The following BCR variants were observed in gnomAD, a reference collection of about 807,000 sequenced individuals.
BCR encodes BCR activator of RhoGEF and GTPase.
In BCR, 58 loss-of-function variants were observed where a neutral mutation model predicts 138.6. The ratio of observed to expected loss-of-function variants is 0.42; its 90% confidence interval spans 0.34 to 0.52. The LOEUF is 0.52. Among genes scored for constraint, BCR ranks in the 20% least tolerant of loss-of-function variants. The probability of loss-of-function intolerance (pLI) is 0.06; values close to 1 mark genes in which losing one functional copy is unlikely to be tolerated. For synonymous variants in BCR, 786 were observed against 730.1 expected (o/e 1.08, Z -1.23); for missense variants, 1,599 against 1,727.2 (o/e 0.93, Z 1.32).
chr22:23,255,754 G>A (rs1422468058), intron 2 of BCR, among the ~76,000 whole-genome samples: 1 of 152,146 alleles, frequency 6.6e-6, no homozygotes, highest in Non-Finnish European at 1.5e-5. Flanking sequence ...CCTCTGTGAA[G>A]CCACTCCAGA....
intron 1 of BCR, among the ~76,000 whole-genome samples, chr22:23,217,938 C>G (rs1396917795): frequency 6.6e-6 from 1 of 152,128 alleles, no homozygotes; most frequent in East Asian, 1.9e-4. Context: ...AGCCGTGGCC[C>G]AGGCTCCTAC....
intron 16 of BCR, among the ~76,000 whole-genome samples, chr22:23,299,467 G>A (rs574882074): frequency 2.0e-4 from 31 of 152,100 alleles, no homozygotes; most frequent in African/African-American, 6.8e-4. Flanking sequence ...GAGGATTCTC[G>A]ATGCCTTCGT....
At chr22:23,314,257 C>T (rs2074041685) in intron 21 of BCR, among the ~76,000 whole-genome samples, 184 bp downstream of exon 21, 1 of 152,168 alleles carries the variant, frequency 6.6e-6, no homozygotes, top group Admixed American at 6.5e-5. Context: ...TTGCCACCCT[C>T]CTCTCTCTGC....
chr22:23,215,604 TAC>T (rs1223623662), intron 1 of BCR, among the ~76,000 whole-genome samples: 3 of 152,240 alleles, frequency 2.0e-5, no homozygotes, highest in African/African-American at 7.2e-5. Flanking sequence ...TGGGAAGTGT[TAC>T]AGTGTAATTC....
intron 1 of BCR, among the ~76,000 whole-genome samples, chr22:23,213,535 G>A (rs1208790272): frequency 3.9e-5 from 6 of 152,198 alleles, no homozygotes; most frequent in African/African-American, 1.2e-4. Flanking sequence ...TAAGAAGGAG[G>A]CAGCAGGCTG....
intron 1 of BCR, 137 bp from the exon 2 acceptor site, chr22:23,253,662 G>A (rs1268558977): frequency 5.3e-6 from 5 of 941,722 alleles, no homozygotes; most frequent in Non-Finnish European, 4.8e-6. Flanking sequence ...TTGTGAAGGG[G>A]ACGTCAGCAT....
At position 23,181,831 on chromosome 22, in the gene BCR, G is replaced by C; in HGVS notation, c.871G>C (p.Glu291Gln). 2 of 1,611,668 alleles carry C rather than the reference G, an allele frequency of 1.2e-6. No homozygotes were observed. Among genetic ancestry groups the C allele is most frequent in the Non-Finnish European group, 1.7e-6 (2 of 1,179,848 alleles). ...CTACGTCGGGGGCATGATGGAAGGG[G>C]AGGGCAAGGGCCCGCTCCTGCGCAG... ...SIYVGGMMEG[E>Q]GKGPLLRSQS... Residue 291 changes from glutamate (E) to glutamine (Q), a missense_variant, in exon 1 of 23, where the codon GAG becomes CAG. Coordinates refer to ENST00000305877, the MANE Select transcript of BCR (RefSeq NM_004327.4).
In BCR at chr22:23,253,839, A is replaced by G; in HGVS notation, c.1320A>G (p.Ala440=). The change falls in exon 2 of 23, where the codon GCA becomes GCG. Residue 440 remains alanine (A), a synonymous_variant. Transcript: ENST00000305877. ...CACCACCTGGATACGGCTGCGCTGC[A>G]GACCGGGCAGAGGAGCAGCGCCGGC... ...FGTPPGYGCA[A]DRAEEQRRHQ... is the part of the protein sequence containing the mutation. The G allele has an allele frequency of 6.2e-7, 1 of 1,613,068 alleles. No homozygotes were observed. The highest frequency in any genetic ancestry group is 1.7e-4 in the Middle Eastern group (1 of 6,060).
chr22:23,284,151 G>C (rs778591852), intron 9 of BCR, 53 bp downstream of exon 9: 11 of 1,600,766 alleles, frequency 6.9e-6, no homozygotes, highest in Non-Finnish European at 9.4e-6. Flanking sequence ...TGACTCTCCA[G>C]GTCATGGAGG....
At chr22:23,196,217 T>A (rs1251896468) in intron 1 of BCR, among the ~76,000 whole-genome samples, 1 of 152,164 alleles carries the variant, frequency 6.6e-6, no homozygotes, top group Non-Finnish European at 1.5e-5. Flanking sequence ...AGGAGGGGTT[T>A]TTTCAGTGCC....
chr22:23,275,337 C>T (rs1425517107), intron 8 of BCR, among the ~76,000 whole-genome samples: 1 of 152,240 alleles, frequency 6.6e-6, no homozygotes, highest in Non-Finnish European at 1.5e-5. Context: ...AGAGCTTCTC[C>T]CAACTGGGCC....
chr22:23,263,209 C>A, intron 4 of BCR: 1 of 934,662 alleles, frequency 1.1e-6, no homozygotes. Flanking sequence ...GCGGGGCCAG[C>A]GCTCTGGCGC....
At chr22:23,237,323 C>CCTG (rs2073038074) in intron 1 of BCR, among the ~76,000 whole-genome samples, 5 of 152,006 alleles carry the variant, frequency 3.3e-5, no homozygotes, top group African/African-American at 1.2e-4. Flanking sequence ...TGAATCTCAC[C>CCTG]TCCTCCCACG....
intron 8 of BCR, among the ~76,000 whole-genome samples, chr22:23,276,410 A>G (rs1296836039): frequency 4.8e-5 from 3 of 62,882 alleles, no homozygotes; most frequent in African/African-American, 2.3e-4. Context: ...AAAAAAAGAA[A>G]AAAAAAAAAA....
intron 1 of BCR, among the ~76,000 whole-genome samples, chr22:23,197,215 A>G (rs927604584): frequency 2.0e-5 from 3 of 152,204 alleles, no homozygotes; most frequent in African/African-American, 7.2e-5. Context: ...GTACGGTAAC[A>G]TGCTGCACAG....
intron 1 of BCR, among the ~76,000 whole-genome samples, chr22:23,221,580 C>G (rs898961148): frequency 6.6e-6 from 1 of 152,212 alleles, no homozygotes; most frequent in Non-Finnish European, 1.5e-5. Flanking sequence ...AGAGGCCACA[C>G]GAGGATGCTC....
In BCR at chr22:23,181,080, C is replaced by A; in HGVS notation, c.120C>A (p.Ala40=). ...AGCAGGAGCTGGAGCGCTGCAAGGC[C>A]TCCATTCGGCGCCTGGAGCAGGAGG... is the stretch of plus-strand genomic sequence containing the variant. The part of the protein sequence containing the change: ...DIEQELERCK[A]SIRRLEQEVN... The change falls in exon 1 of 23, where the codon GCC becomes GCA. Residue 40 remains alanine (A), a synonymous_variant. Coordinates refer to ENST00000305877, the MANE Select transcript of BCR (RefSeq NM_004327.4). 1 of 1,519,334 alleles carries A rather than the reference C, an allele frequency of 6.6e-7. No individual in the cohort carries two copies. 94.1% of individuals were successfully genotyped at this position (1,519,334 alleles called of 1,614,324 possible). A position where few individuals can be genotyped will look rare whatever the true frequency, so the allele number is the denominator to read the frequency against.
chr22:23,263,647 A>C, intron 4 of BCR: 1 of 1,470,374 alleles, frequency 6.8e-7, no homozygotes. Flanking sequence ...GCATATTGTC[A>C]GTGCAGGAGG....
At chr22:23,209,148 A>G (rs900741285) in intron 1 of BCR, among the ~76,000 whole-genome samples, 1 of 152,090 alleles carries the variant, frequency 6.6e-6, no homozygotes, top group African/African-American at 2.4e-5. Flanking sequence ...ACCTGAGCTC[A>G]GGAGTTCAAG....
Sources: gnomAD v4.1 joint callset for allele counts (sites outside exome capture counted in the v4.1 genomes callset) on GRCh38, gnomAD v4.1.1 for gene constraint, MANE v1.5 for transcripts, NCBI Gene and HGNC (gene_info 2026-07-23, HGNC 2026-07-21) for gene names.